SPAG6: variants seen among roughly 807,000 people sequenced by gnomAD.
The protein encoded by SPAG6 is sperm-associated antigen 6.
Under a neutral mutation model 58.5 loss-of-function variants are expected in SPAG6, and 49 were observed. The ratio of observed to expected loss-of-function variants is 0.84; its 90% CI spans 0.67 to 1.06. The LOEUF is 1.06. Among genes scored for constraint, SPAG6 ranks in the 50% least tolerant of loss-of-function variants. SPAG6 has a pLI of 0.00. For synonymous variants in SPAG6, 233 were observed against 225.6 expected (o/e 1.03, Z -0.29); for missense variants, 560 against 611.3 (o/e 0.92, Z 0.89).
intron 10 of SPAG6, chr10:22,413,066 C>CAAAAAAAA (rs775680159): frequency 1.8e-3 from 78 of 43,142 alleles, no homozygotes; most frequent in East Asian, 3.6e-3. Flanking sequence ...CAGAAAGATG[C>CAAAAAAAA]AAAAAAAAAA....
intron 2 of SPAG6, among the ~76,000 whole-genome samples, chr10:22,357,139 A>G (rs1255567096): frequency 6.6e-6 from 1 of 151,982 alleles, no homozygotes; most frequent in Admixed American, 6.6e-5. Flanking sequence ...CATCCCCTCC[A>G]GTTTTTCAGC....
intron 3 of SPAG6, among the ~76,000 whole-genome samples, chr10:22,366,939 C>T (rs1232156731): frequency 1.3e-5 from 2 of 151,960 alleles, no homozygotes; most frequent in African/African-American, 4.8e-5. Context: ...CACCTCCCAG[C>T]CTTTAAGTCA....
intron 2 of SPAG6, among the ~76,000 whole-genome samples, chr10:22,355,784 CA>C (rs1347390383): frequency 6.6e-6 from 1 of 151,906 alleles, no homozygotes; most frequent in African/African-American, 2.4e-5. Context: ...GGTATATAAT[CA>C]ATAAAGGCTG....
intron 2 of SPAG6, among the ~76,000 whole-genome samples, chr10:22,362,594 A>T (rs920314140): frequency 2.0e-5 from 3 of 151,916 alleles, no homozygotes; most frequent in Admixed American, 6.6e-5. Flanking sequence ...AATGAAAAAA[A>T]TTAGTCAGGT....
Position 22,345,562 on chromosome 10 carries a change from G to A in SPAG6, c.-50G>A. 2.0e-6 allele frequency: 3 copies of A among 1,483,456 alleles called. No individual in the cohort carries two copies. The highest frequency in any genetic ancestry group is 2.7e-6 in the Non-Finnish European group (3 of 1,105,192). The allele number at this position is 1,483,456 out of a possible 1,614,324, so 91.9% of individuals were successfully genotyped here. On this transcript the variant is annotated 5_prime_UTR_variant, in exon 1 of 11. Coordinates refer to ENST00000376624, the MANE Select transcript of SPAG6 (RefSeq NM_012443.4). The surrounding 1 kb of genome is among the most constrained non-coding windows in gnomAD (Gnocchi z 6.3). ...CGCCCCCTTGGTGGACTCGCAGGCC[G>A]AGCGGCTTCCCCGCAGAGCTCGAGG... is the stretch of plus-strand genomic sequence containing the variant.
chr10:22,392,891 C>T (rs1346055522), intron 8 of SPAG6, among the ~76,000 whole-genome samples: 1 of 151,998 alleles, frequency 6.6e-6, no homozygotes, highest in Non-Finnish European at 1.5e-5. Flanking sequence ...TATTTCTCTA[C>T]TAATGCATTG....
At chr10:22,389,669 T>G (rs1346566626) in intron 7 of SPAG6, among the ~76,000 whole-genome samples, 1 of 152,188 alleles carries the variant, frequency 6.6e-6, no homozygotes, top group Non-Finnish European at 1.5e-5. Flanking sequence ...CCAGTAGTCA[T>G]TTTCAGTATT....
intron 8 of SPAG6, among the ~76,000 whole-genome samples, chr10:22,393,407 A>G (rs1834224770): frequency 6.6e-6 from 1 of 152,122 alleles, no homozygotes; most frequent in African/African-American, 2.4e-5. Flanking sequence ...CTTAGGTAAG[A>G]GTATGTACTT....
intron 9 of SPAG6, among the ~76,000 whole-genome samples, chr10:22,407,295 T>G (rs1834582569): frequency 6.6e-6 from 1 of 152,270 alleles, no homozygotes; most frequent in African/African-American, 2.4e-5. Context: ...CTTTCCATGT[T>G]TAGCGCTTCC....
intron 2 of SPAG6, among the ~76,000 whole-genome samples, chr10:22,349,936 G>A (rs908365050): frequency 6.6e-6 from 1 of 152,124 alleles, no homozygotes; most frequent in Non-Finnish European, 1.5e-5. Flanking sequence ...AATATGCTAT[G>A]AGAAGGAAAA....
intron 4 of SPAG6, among the ~76,000 whole-genome samples, chr10:22,378,685 G>A (rs947907860): frequency 1.3e-5 from 2 of 152,088 alleles, no homozygotes; most frequent in South Asian, 2.1e-4. Context: ...GGTGGGGATG[G>A]GAGCTAAAAT....
chr10:22,417,199 CGGACTCTGT>C lies in SPAG6; in HGVS notation c.*514_*522del, dbSNP rs2130660278. On this transcript the variant is annotated 3_prime_UTR_variant, in exon 11 of 11. Transcript: ENST00000376624. ...TATATAAGTGCATTAACTTAAGACACGGACTCTGTGGGTAACCTGTTAGGTTTTACTAAG... is the reference window on the plus strand; with the variant it reads ...TATATAAGTGCATTAACTTAAGACACGGGTAACCTGTTAGGTTTTACTAAG... The C allele has an allele frequency of 6.6e-6, 1 of 152,324 alleles. No individual in the cohort carries two copies. The highest frequency in any genetic ancestry group is 1.9e-4 in the East Asian group (1 of 5,190). The allele number at this position is 152,324 out of a possible 1,614,324, so 9.4% of individuals were successfully genotyped here. A position where few individuals can be genotyped will look rare whatever the true frequency, so the allele number is the denominator to read the frequency against.
Position 22,345,957 on chromosome 10 carries a change from G to T in SPAG6, c.121+139G>T. ...CGCAAAAGCATCCATTCTTTTCAGC[G>T]GGTCTTTGGGGGTCAGGCCGAGAGG... On this transcript the variant is annotated intron_variant, in intron 2 of 10. Transcript: ENST00000376624. This position sits in a 1 kb window ranked among gnomAD's most constrained non-coding sequence, Gnocchi z 6.3. 1 of 1,551,918 alleles carries T rather than the reference G, an allele frequency of 6.4e-7. No homozygotes were observed.
At chr10:22,357,897 C>T (rs1379998935) in intron 2 of SPAG6, among the ~76,000 whole-genome samples, 1 of 152,002 alleles carries the variant, frequency 6.6e-6, no homozygotes, top group Non-Finnish European at 1.5e-5. Context: ...ATCCATGTCC[C>T]TACAAAGGAC....
intron 4 of SPAG6, among the ~76,000 whole-genome samples, chr10:22,378,200 A>T (rs1445157716): frequency 6.6e-6 from 1 of 151,356 alleles, no homozygotes; most frequent in Non-Finnish European, 1.5e-5. Context: ...AGTAGCTGGG[A>T]TTGCAGGTGC....
At chr10:22,366,062 A>G (rs1837190818) in intron 3 of SPAG6, among the ~76,000 whole-genome samples, 2 of 152,198 alleles carry the variant, frequency 1.3e-5, no homozygotes, top group Non-Finnish European at 2.9e-5. Context: ...TTCTATTCCT[A>G]GCTATATATC....
At chr10:22,379,429 A>G (rs913734807) in intron 4 of SPAG6, among the ~76,000 whole-genome samples, 5 of 152,256 alleles carry the variant, frequency 3.3e-5, no homozygotes, top group African/African-American at 7.2e-5. Context: ...AATGTCTTTT[A>G]TAATCTTGAG....
In SPAG6 at chr10:22,348,895, C is replaced by T. The variant is rs188199383; in HGVS notation, c.121+3077C>T. On this transcript the variant is annotated intron_variant, in intron 2 of 10. Transcript: ENST00000376624. ...TCGCCCAGACTGGAGTGCAGTGGTG[C>T]TATCTCAGCTCAATGCAACCTCTGC... Among the ~76,000 whole-genome samples, 736 of 152,294 alleles carry T rather than the reference C, an allele frequency of 4.8e-3. 10 individuals carry two copies. The highest frequency in any genetic ancestry group is 0.017 in the African/African-American group (698 of 41,564).
intron 2 of SPAG6, among the ~76,000 whole-genome samples, chr10:22,354,282 C>T (rs1348352814): frequency 6.6e-6 from 1 of 152,142 alleles, no homozygotes; most frequent in African/African-American, 2.4e-5. Flanking sequence ...GACTTGGTGA[C>T]TTAGGAGTAG....
Sources: gnomAD v4.1 joint callset for allele counts (sites outside exome capture counted in the v4.1 genomes callset) on GRCh38, gnomAD v4.1.1 for gene constraint, Gnocchi (gnomAD v3.1) non-coding constraint, MANE v1.5 for transcripts, NCBI Gene and HGNC (gene_info 2026-07-23, HGNC 2026-07-21) for gene names.